TAF1B: variants seen among roughly 807,000 people sequenced by gnomAD.
The protein encoded by TAF1B is TATA box-binding protein-associated factor RNA polymerase I subunit B.
TAF1B carries 61 observed loss-of-function variants against 83.9 expected under a neutral mutation model. The observed-to-expected ratio is 0.73, with a 90% confidence interval of 0.59 to 0.90. TAF1B has a LOEUF of 0.90. TAF1B is among the 40% of genes least tolerant of loss of function. TAF1B has a pLI of 0.00. For missense variants in TAF1B, 625 were observed against 677.0 expected, an observed-to-expected ratio of 0.92 and a Z score of 0.85; for synonymous variants, 221 against 224.6, an observed-to-expected ratio of 0.98 and a Z score of 0.14.
chr2:9,931,737 C>G (rs1666219895), intron 14 of TAF1B, among the ~76,000 whole-genome samples: 1 of 152,204 alleles, frequency 6.6e-6, no homozygotes, highest in African/African-American at 2.4e-5. Flanking sequence ...TGGGGAAGTT[C>G]TCCTGGATAA....
intron 8 of TAF1B, among the ~76,000 whole-genome samples, chr2:9,891,647 A>G (rs1381341022): frequency 6.6e-6 from 1 of 152,218 alleles, no homozygotes; most frequent in Non-Finnish European, 1.5e-5. Context: ...CATTGTTACC[A>G]CAGAAGATGA....
chr2:9,898,938 CTT>C (rs368467402), intron 8 of TAF1B, among the ~76,000 whole-genome samples: 1 of 143,088 alleles, frequency 7.0e-6, no homozygotes, highest in Non-Finnish European at 1.5e-5. Context: ...TTCCTTTTTT[CTT>C]TTTTTTTTTC....
Position 9,849,408 on chromosome 2 carries a change from T to C in TAF1B, c.153T>C (p.Pro51=). The C allele has an allele frequency of 6.3e-7, 1 of 1,598,736 alleles. No individual in the cohort carries two copies. The highest frequency in any genetic ancestry group is 8.5e-7 in the Non-Finnish European group (1 of 1,173,582). ...YQEVTNTDLI[P]NTQIKALNRG... is the part of the protein sequence containing the mutation. ...AAGTTACAAACACTGATCTTATTCC[T>C]AATACCCAAATAAAAGCCCTCAACC... The change falls in exon 3 of 15, where the codon CCT becomes CCC. Residue 51 remains proline (P), a synonymous_variant. Transcript: ENST00000263663.
intron 8 of TAF1B, among the ~76,000 whole-genome samples, chr2:9,899,789 A>G (rs1665129060): frequency 2.6e-5 from 4 of 152,234 alleles, no homozygotes; most frequent in Non-Finnish European, 2.9e-5. Context: ...AACATTTGCT[A>G]TTTTTGATTG....
At chr2:9,920,083 C>G (rs1053354899) in intron 14 of TAF1B, among the ~76,000 whole-genome samples, 1 of 152,172 alleles carries the variant, frequency 6.6e-6, no homozygotes, top group African/African-American at 2.4e-5. Context: ...AAATGCTGAT[C>G]AGGAGAATGT....
intron 8 of TAF1B, among the ~76,000 whole-genome samples, chr2:9,903,815 A>T (rs993412357): frequency 6.6e-6 from 1 of 152,200 alleles, no homozygotes; most frequent in Non-Finnish European, 1.5e-5. Context: ...TGTAGCTTTC[A>T]TCCTTTCTCC....
chr2:9,850,311 A>G (rs1193618404), intron 3 of TAF1B, among the ~76,000 whole-genome samples: 3 of 152,132 alleles, frequency 2.0e-5, no homozygotes, highest in African/African-American at 7.2e-5. Flanking sequence ...CTTATAGTCA[A>G]CCTCATCACC....
Position 9,904,987 on chromosome 2 carries a change from G to C in TAF1B, c.936G>C (p.Leu312Phe). 6.2e-7 allele frequency: 1 copy of C among 1,612,364 alleles called. No individual in the cohort carries two copies. Among genetic ancestry groups the C allele is most frequent in the Non-Finnish European group, 8.5e-7 (1 of 1,178,666 alleles). The stretch of plus-strand genomic sequence containing the variant: ...CCAACATACTGTGTATGAAATACTT[G>C]ATGGAAGTCAACCTCCCTGGTAAGT... ...LHPNILCMKYLMEVNLPDEMH... is the reference protein window; with the variant it reads ...LHPNILCMKYFMEVNLPDEMH... Residue 312 changes from leucine to phenylalanine, a missense_variant, in exon 9 of 15, where the codon TTG becomes TTC. Physicochemically the swap from Leu to Phe is conservative, Grantham distance 22. Coordinates refer to ENST00000263663, the MANE Select transcript of TAF1B (RefSeq NM_005680.3).
chr2:9,918,276 T>A (rs1665752554), intron 12 of TAF1B, among the ~76,000 whole-genome samples: 1 of 152,198 alleles, frequency 6.6e-6, no homozygotes, highest in South Asian at 2.1e-4. Context: ...TTGTCTTTGT[T>A]CCAGAGCAGC....
rs555519382 is a variant in TAF1B, at chr2:9,904,956, T to G, written c.905T>G (p.Leu302Arg). ...RFPDITEDCY[L>R]HPNILCMKYL... ...CCAGACATAACTGAAGACTGCTATCTTCATCCCAACATACTGTGTATGAAA... is the reference window on the plus strand; with the variant it reads ...CCAGACATAACTGAAGACTGCTATCGTCATCCCAACATACTGTGTATGAAA... The change falls in exon 9 of 15, where the codon CTT becomes CGT. Residue 302 changes from leucine to arginine, a missense_variant. Leu to Arg is a moderately radical substitution (Grantham distance 102). Coordinates refer to ENST00000263663, the MANE Select transcript of TAF1B (RefSeq NM_005680.3). 2.5e-6 allele frequency: 4 copies of G among 1,612,750 alleles called. No individual in the cohort carries two copies. Among genetic ancestry groups the G allele is most frequent in the East Asian group, 2.2e-5 (1 of 44,832 alleles).
At position 9,923,944 on chromosome 2, in the gene TAF1B, G is replaced by A. The variant is rs77751219; in HGVS notation, c.1565+4124G>A. Among the ~76,000 whole-genome samples, 969 of 152,272 alleles carry A rather than the reference G, an allele frequency of 6.4e-3. 17 individuals carry two copies. Among genetic ancestry groups the A allele is most frequent in the African/African-American group, 0.022 (901 of 41,550 alleles). Reference sequence around the variant, plus strand: ...GAGTTGGTCCTGAGCAGCTTATGTCGTGATCCGTACCTTTGTGCTTTTTCA... The same window carrying A: ...GAGTTGGTCCTGAGCAGCTTATGTCATGATCCGTACCTTTGTGCTTTTTCA... On this transcript the variant is annotated intron_variant, in intron 14 of 14. Transcript: ENST00000263663.
intron 14 of TAF1B, among the ~76,000 whole-genome samples, 199 bp downstream of exon 14, chr2:9,920,019 C>A (rs764345280): frequency 4.8e-4 from 73 of 152,132 alleles, no homozygotes; most frequent in Non-Finnish European, 5.9e-4. Flanking sequence ...CACAAACTAT[C>A]CCCTCTAGCT....
At chr2:9,872,292 C>G (rs1157773315) in intron 6 of TAF1B, among the ~76,000 whole-genome samples, 1 of 150,354 alleles carries the variant, frequency 6.7e-6, no homozygotes, top group Non-Finnish European at 1.5e-5. Context: ...CACCACTGCA[C>G]TCCAGTCTGG....
chr2:9,916,547 A>C (rs1215872381), intron 12 of TAF1B, among the ~76,000 whole-genome samples: 5 of 152,226 alleles, frequency 3.3e-5, no homozygotes, highest in African/African-American at 1.2e-4. Flanking sequence ...TTAGGTATTC[A>C]CAAGGAATGT....
Position 9,906,460 on chromosome 2 carries a change from T to C in TAF1B, c.955+1454T>C, listed in dbSNP as rs183459912. 7.8e-4 allele frequency among the ~76,000 whole-genome samples: 119 copies of C among 152,254 alleles called. 4 individuals carry two copies. The highest frequency in any genetic ancestry group is 2.6e-3 in the African/African-American group (109 of 41,552). ...TGTTCAATAGAAATAATTTGAAATA[T>C]AGAAAAAAATTACCCATAAATGTCA... On this transcript the variant is annotated intron_variant, in intron 9 of 14. Coordinates refer to ENST00000263663, the MANE Select transcript of TAF1B (RefSeq NM_005680.3).
At chr2:9,844,752 C>G (rs918732337) in intron 1 of TAF1B, among the ~76,000 whole-genome samples, 3 of 152,160 alleles carry the variant, frequency 2.0e-5, no homozygotes, top group Non-Finnish European at 4.4e-5. Flanking sequence ...TAGTAAAAAG[C>G]CTGGTACACA....
At chr2:9,927,884 T>A (rs1472953725) in intron 14 of TAF1B, among the ~76,000 whole-genome samples, 1 of 152,178 alleles carries the variant, frequency 6.6e-6, no homozygotes, top group African/African-American at 2.4e-5. Context: ...CCCATTTGTC[T>A]ATTTTGGCTT....
chr2:9,919,977 A>G (rs971943676), intron 14 of TAF1B, among the ~76,000 whole-genome samples, 157 bp downstream of exon 14: 4 of 152,172 alleles, frequency 2.6e-5, no homozygotes, highest in Non-Finnish European at 4.4e-5. Flanking sequence ...GAAAGCTGGT[A>G]AAAATCAAGA....
In TAF1B at chr2:9,933,923, T is replaced by C. The variant is rs1227367396; in HGVS notation, c.1706T>C (p.Phe569Ser). The C allele has an allele frequency of 6.2e-7, 1 of 1,613,298 alleles. No individual in the cohort carries two copies. The highest frequency in any genetic ancestry group is 8.5e-7 in the Non-Finnish European group (1 of 1,179,770). ...GTGAGCTTAGTTGAGAAGAAACTTT[T>C]TGAGAAAAAATACAGTGTAAAAAGA... ...EEVSLVEKKL[F>S]EKKYSVKRKK... The change falls in exon 15 of 15, where the codon TTT (phenylalanine) becomes TCT (serine). Residue 569 changes from phenylalanine to serine, a missense_variant. Phe to Ser is a radical substitution (Grantham distance 155, BLOSUM62 -2). Transcript: ENST00000263663.
Sources: allele counts gnomAD v4.1 joint callset (sites outside exome capture counted in the v4.1 genomes callset), GRCh38; gene constraint gnomAD v4.1.1; transcripts MANE v1.5; gene names NCBI Gene and HGNC (gene_info 2026-07-23, HGNC 2026-07-21).